The following ARHGEF10 variants were observed in gnomAD, a reference collection of about 807,000 sequenced individuals.
ARHGEF10 encodes Rho guanine nucleotide exchange factor (GEF) 10.
A neutral mutation model predicts 147.4 loss-of-function variants in ARHGEF10; 140 were observed. That is an observed-to-expected ratio of 0.95 (90% confidence interval 0.83 to 1.09). The LOEUF (loss-of-function observed/expected upper bound fraction) is 1.09. Ranked by LOEUF, ARHGEF10 falls within the 50% of genes least tolerant of loss-of-function variation. The pLI, the probability that ARHGEF10 is intolerant of heterozygous loss-of-function variation, is 0.00. For missense variants in ARHGEF10, 2,222 were observed against 1,752.7 expected (o/e 1.27, Z -4.78); for synonymous variants, 902 against 695.8 (o/e 1.30, Z -4.67).
intron 3 of ARHGEF10, chr8:1,858,681 G>C (rs941124861): frequency 2.5e-5 from 4 of 157,384 alleles, no homozygotes; most frequent in African/African-American, 9.6e-5. Flanking sequence ...GCTCAGGTCA[G>C]GCAGTGGTGG....
intron 11 of ARHGEF10, among the ~76,000 whole-genome samples, chr8:1,893,092 C>CA (rs34033686): frequency 0.22 from 16,623 of 76,364 alleles, 1,861 homozygotes; most frequent in East Asian, 0.35. Context: ...AAGATCTTTG[C>CA]AAAAAAAAAA....
rs959504875 is a variant in ARHGEF10 at position 1,860,032 on chromosome 8, C to A, written c.329C>A (p.Pro110His). ...GAGGACCAGCCGCCCACCCCCGTGC[C>A]CAGCGCTGAGGAGGAGAATGTGGGT... ...FQEDQPPTPVPSAEEENVGLH... is the reference protein window; with the variant it reads ...FQEDQPPTPVHSAEEENVGLH... Residue 110 changes from proline (P) to histidine (H), a missense_variant, in exon 4 of 29, where the codon CCC (proline) becomes CAC (histidine). Transcript: ENST00000349830. 1.2e-6 allele frequency: 2 copies of A among 1,614,134 alleles called. No individual in the cohort carries two copies. Among genetic ancestry groups the A allele is most frequent in the East Asian group, 4.5e-5 (2 of 44,854 alleles).
chr8:1,922,859 C>T (rs961176184), intron 18 of ARHGEF10, 105 bp from the exon 19 acceptor site: 10 of 794,158 alleles, frequency 1.3e-5, no homozygotes, highest in Non-Finnish European at 1.7e-5. Context: ...ATTCACCCCT[C>T]AACTTAAAAA....
rs112251294 is a variant in ARHGEF10, at chr8:1,929,022, G to C, written c.2922-264G>C. On this transcript the variant is annotated intron_variant, in intron 24 of 28. Coordinates refer to ENST00000349830, the MANE Select transcript of ARHGEF10 (RefSeq NM_014629.4). ...TGAATTGCTGACACCATTTAAAGGAGAGTTAAAATGATTTTCCTGATGTGA... is the reference window on the plus strand; with the variant it reads ...TGAATTGCTGACACCATTTAAAGGACAGTTAAAATGATTTTCCTGATGTGA... Among the ~76,000 whole-genome samples the C allele has an allele frequency of 4.3e-4, 66 of 152,280 alleles. 1 individual carries two copies. Among genetic ancestry groups the C allele is most frequent in the Middle Eastern group, 3.4e-3 (1 of 294 alleles).
intron 1 of ARHGEF10, among the ~76,000 whole-genome samples, chr8:1,826,455 A>T (rs1287157669): frequency 6.6e-6 from 1 of 151,442 alleles, no homozygotes; most frequent in African/African-American, 2.4e-5. Flanking sequence ...CGCGTGTGTG[A>T]GTTGTAGATA....
chr8:1,841,415 CTGTT>C (rs1268569059), intron 1 of ARHGEF10, among the ~76,000 whole-genome samples: 1 of 152,270 alleles, frequency 6.6e-6, no homozygotes, highest in Non-Finnish European at 1.5e-5. Flanking sequence ...GGATGGAAAG[CTGTT>C]TGTCAGGAAT....
intron 18 of ARHGEF10, among the ~76,000 whole-genome samples, chr8:1,919,767 G>T (rs1036872113): frequency 3.3e-5 from 5 of 149,536 alleles, no homozygotes; most frequent in Non-Finnish European, 7.4e-5. Context: ...CAGTGATGGA[G>T]CTGTTCTATG....
chr8:1,839,713 G>C (rs1396033647), intron 1 of ARHGEF10, among the ~76,000 whole-genome samples: 30 of 143,650 alleles, frequency 2.1e-4, no homozygotes, highest in South Asian at 4.7e-4. Context: ...GGACTGTCTG[G>C]TGTGGGGACT....
chr8:1,842,364 C>T (rs1253538097), intron 1 of ARHGEF10, among the ~76,000 whole-genome samples: 4 of 152,188 alleles, frequency 2.6e-5, no homozygotes, highest in Non-Finnish European at 5.9e-5. Context: ...GGGAATTCGC[C>T]GGCCTGGTGG....
chr8:1,889,992 A>C (rs1235399425), intron 11 of ARHGEF10, among the ~76,000 whole-genome samples: 2 of 135,374 alleles, frequency 1.5e-5, no homozygotes, highest in Non-Finnish European at 3.1e-5. Context: ...GAGTGATGTG[A>C]GCAATCTGTG....
At chr8:1,839,227 G>A (rs1288699518) in intron 1 of ARHGEF10, among the ~76,000 whole-genome samples, 1 of 149,842 alleles carries the variant, frequency 6.7e-6, no homozygotes, top group Non-Finnish European at 1.5e-5. Flanking sequence ...TGCCTGGTGT[G>A]GAAGCTGTCT....
intron 26 of ARHGEF10, among the ~76,000 whole-genome samples, chr8:1,936,579 T>C (rs1001999891): frequency 5.3e-5 from 8 of 152,198 alleles, no homozygotes; most frequent in African/African-American, 1.9e-4. Flanking sequence ...GCAAGGGGTC[T>C]AATTTCATCT....
Position 1,860,195 on chromosome 8 carries a change from C to T in ARHGEF10, c.481+11C>T. 16 of 1,610,878 alleles carry T rather than the reference C, an allele frequency of 9.9e-6. No individual in the cohort carries two copies. Among genetic ancestry groups the T allele is most frequent in the African/African-American group, 1.3e-5 (1 of 74,968 alleles). On this transcript the variant is annotated intron_variant, in intron 4 of 28. Coordinates refer to ENST00000349830, the MANE Select transcript of ARHGEF10 (RefSeq NM_014629.4). The stretch of plus-strand genomic sequence containing the variant: ...CCCTGGACGAAGAAGGTACTGCTAC[C>T]CTCCTCTCCACGCCCCCGAAGTGGC...
intron 26 of ARHGEF10, among the ~76,000 whole-genome samples, chr8:1,945,213 C>T (rs1041568775): frequency 6.6e-6 from 1 of 152,226 alleles, no homozygotes; most frequent in African/African-American, 2.4e-5. Flanking sequence ...CTTTAGGACA[C>T]AAGCTCAGTG....
intron 1 of ARHGEF10, among the ~76,000 whole-genome samples, chr8:1,835,078 T>G (rs1432263105): frequency 6.6e-6 from 1 of 152,242 alleles, no homozygotes; most frequent in Non-Finnish European, 1.5e-5. Context: ...GGCCCGTGTC[T>G]GCCAAGGCAC....
intron 1 of ARHGEF10, among the ~76,000 whole-genome samples, chr8:1,834,044 TGCG>T (rs1195061979): frequency 4.6e-5 from 7 of 152,178 alleles, no homozygotes; most frequent in African/African-American, 1.7e-4. Flanking sequence ...GGCTGCCTGC[TGCG>T]ACTGCAGAGG....
At chr8:1,868,182 A>G (rs1278676163) in intron 6 of ARHGEF10, among the ~76,000 whole-genome samples, 8 of 152,232 alleles carry the variant, frequency 5.3e-5, no homozygotes, top group Non-Finnish European at 1.0e-4. Context: ...AGCGTCTGTA[A>G]TACTGGAGCT....
At chr8:1,946,977 G>T (rs1814644316) in intron 27 of ARHGEF10, among the ~76,000 whole-genome samples, 1 of 152,186 alleles carries the variant, frequency 6.6e-6, no homozygotes, top group African/African-American at 2.4e-5. Flanking sequence ...GTGAGAAAAG[G>T]AGGTTTATGT....
intron 3 of ARHGEF10, among the ~76,000 whole-genome samples, chr8:1,859,685 C>G (rs1055476123): frequency 6.6e-6 from 1 of 152,230 alleles, no homozygotes; most frequent in Non-Finnish European, 1.5e-5. Context: ...AGTGACCAGG[C>G]TGCATCCGTC....
Sources: gnomAD v4.1 joint callset for allele counts (sites outside exome capture counted in the v4.1 genomes callset) on GRCh38, gnomAD v4.1.1 for gene constraint, MANE v1.5 for transcripts, NCBI Gene and HGNC (gene_info 2026-07-23, HGNC 2026-07-21) for gene names.